The following LGI2 variants were observed in gnomAD, a reference collection of about 807,000 sequenced individuals.
The protein encoded by LGI2 is leucine-rich repeat LGI family member 2.
LGI2 carries 30 observed loss-of-function variants against 52.0 expected under a neutral mutation model. The ratio of observed to expected loss-of-function variants is 0.58; its 90% CI spans 0.43 to 0.78. LGI2 has a LOEUF of 0.78. LGI2 is among the 30% of genes least tolerant of loss of function. The pLI is 0.00. For missense variants in LGI2, 573 were observed against 692.5 expected (o/e 0.83, Z 1.94); for synonymous variants, 270 against 271.8 (o/e 0.99, Z 0.06).
At chr4:24,997,274 G>A (rs1725107556), downstream of LGI2, among the ~76,000 whole-genome samples, 1 of 152,168 alleles carries the variant, frequency 6.6e-6, no homozygotes, top group African/African-American at 2.4e-5. Context: ...TTTAGTCTCT[G>A]AGACACAGAG....
intron 1 of LGI2, among the ~76,000 whole-genome samples, chr4:25,029,400 G>A (rs190250702): frequency 2.1e-4 from 32 of 152,256 alleles, no homozygotes; most frequent in African/African-American, 7.2e-4. Context: ...TCACTCCTGG[G>A]TCCAGGCCCC....
chr4:25,022,607 T>C (rs1726007710), intron 4 of LGI2, among the ~76,000 whole-genome samples: 1 of 152,198 alleles, frequency 6.6e-6, no homozygotes, highest in African/African-American at 2.4e-5. Flanking sequence ...GTGCCTCTTG[T>C]ACACATGTAC....
intron 7 of LGI2, 101 bp downstream of exon 7, chr4:25,012,234 G>A: frequency 7.5e-7 from 1 of 1,338,552 alleles, no homozygotes. Flanking sequence ...AACCAGGTTA[G>A]AGAGCCGAGC....
Position 25,003,145 on chromosome 4 carries a change from T to A in LGI2, c.*306A>T. 4.5e-6 allele frequency: 1 copy of A among 222,310 alleles called. No homozygotes were observed. The highest frequency in any genetic ancestry group is 5.5e-5 in the Admixed American group (1 of 18,292). 13.8% of individuals were successfully genotyped at this position (222,310 alleles called of 1,614,324 possible). A position where few individuals can be genotyped will look rare whatever the true frequency, so the allele number is the denominator to read the frequency against. On this transcript the variant is annotated 3_prime_UTR_variant, in exon 8 of 8. Transcript: ENST00000382114. ...CCATCTTATCCAATTGTCTTCTTCC[T>A]CATCAAAAAGCGGGGGGGAAGCATA...
In LGI2 at chr4:25,018,488, A is replaced by T. The variant is rs562445064; in HGVS notation, c.486-330T>A. Reference sequence around the variant, plus strand: ...ATATGATAGAAGAGCAGCCCCCAACAGAGGTTCTCATAAACAAAGAGGATA... The same window carrying T: ...ATATGATAGAAGAGCAGCCCCCAACTGAGGTTCTCATAAACAAAGAGGATA... On this transcript the variant is annotated intron_variant, in intron 5 of 7. Transcript: ENST00000382114. Among the ~76,000 whole-genome samples the T allele has an allele frequency of 9.2e-5, 14 of 152,350 alleles. No homozygotes were observed. In the East Asian group the frequency reaches 1.9e-3, roughly 21 times the overall value.
At chr4:25,009,984 C>T (rs1725525788) in intron 7 of LGI2, among the ~76,000 whole-genome samples, 1 of 152,092 alleles carries the variant, frequency 6.6e-6, no homozygotes, top group Non-Finnish European at 1.5e-5. Context: ...CAAGAACATG[C>T]CTGGCTCAGA....
In LGI2 at chr4:24,999,784, G is replaced by A. The variant is rs537529641; in HGVS notation, c.*3667C>T. The A allele has an allele frequency of 5.3e-5, 24 of 455,952 alleles. No homozygotes were observed. The East Asian group carries it at 1.7e-3, about 32-fold the overall frequency. The allele number at this position is 455,952 out of a possible 1,614,324, so 28.2% of individuals were successfully genotyped here. On this transcript the variant is annotated 3_prime_UTR_variant, in exon 8 of 8. Transcript: ENST00000382114. ...ACACAGACTCTCACTCCATGGGGAA[G>A]AAAAAATGCAACTCTGCCATTTCCA...
chr4:25,015,240 A>G (rs1725722904), intron 6 of LGI2, among the ~76,000 whole-genome samples: 1 of 152,244 alleles, frequency 6.6e-6, no homozygotes, highest in African/African-American at 2.4e-5. Context: ...ACTGCACATT[A>G]ATGCATTATT....
chr4:25,018,542 A>G (rs867823615), intron 5 of LGI2, among the ~76,000 whole-genome samples: 1 of 152,192 alleles, frequency 6.6e-6, no homozygotes, highest in African/African-American at 2.4e-5. Flanking sequence ...CACAAACACA[A>G]TTGAAACTTC....
chr4:25,006,345 C>G (rs1352175504), intron 7 of LGI2, among the ~76,000 whole-genome samples: 2 of 152,164 alleles, frequency 1.3e-5, no homozygotes, highest in African/African-American at 4.8e-5. Flanking sequence ...CCATCTAGAT[C>G]ACTCCATTAA....
At chr4:25,028,787 G>A (rs1051856485) in intron 1 of LGI2, among the ~76,000 whole-genome samples, 1 of 152,192 alleles carries the variant, frequency 6.6e-6, no homozygotes, top group African/African-American at 2.4e-5. Flanking sequence ...AGACTAGTCT[G>A]AATAACAGAA....
In LGI2 at chr4:25,012,356, G is replaced by A. The variant is rs1156361531; in HGVS notation, c.799C>T (p.Arg267Trp). The change falls in exon 7 of 8, where the codon CGG becomes TGG. Residue 267 changes from arginine to tryptophan, a missense_variant. By Grantham distance (101) the Arg-to-Trp change is moderately radical (BLOSUM62 -3). Transcript: ENST00000382114. ...LEWDHIEMNF[R>W]SYDNITGQSI... ...ACACCTGTAATGTTGTCATAGCTCC[G>A]GAAATTCATTTCAATGTGGTCCCAC... 6.2e-6 allele frequency: 10 copies of A among 1,614,076 alleles called. No homozygotes were observed. The highest frequency in any genetic ancestry group is 1.1e-5 in the South Asian group (1 of 91,084).
chr4:25,024,969 G>A (rs2109425102), intron 3 of LGI2, 78 bp from the exon 4 acceptor site: 1 of 943,454 alleles, frequency 1.1e-6, no homozygotes, highest in Non-Finnish European at 1.6e-6. Context: ...TAAGCTTTCA[G>A]AATAAAATCT....
Position 25,004,412 on chromosome 4 carries a change from A to C in LGI2, c.821-144T>G, listed in dbSNP as rs879020023. On this transcript the variant is annotated intron_variant, in intron 7 of 7. Coordinates refer to ENST00000382114, the MANE Select transcript of LGI2 (RefSeq NM_018176.4). This position sits in a 1 kb window ranked among gnomAD's most constrained non-coding sequence, Gnocchi z 4.6. ...GTATGGTGGTTCCTTGAAAAATTAA[A>C]CATGGAATTACCCTATGAGCCAGCA... 195 of 726,882 alleles carry C rather than the reference A, an allele frequency of 2.7e-4. No individual in the cohort carries two copies. The highest frequency in any genetic ancestry group is 7.2e-4 in the Middle Eastern group (2 of 2,782). The allele number at this position is 726,882 out of a possible 1,614,324, so 45.0% of individuals were successfully genotyped here.
intron 4 of LGI2, among the ~76,000 whole-genome samples, chr4:25,019,899 T>G (rs1044883572): frequency 6.6e-6 from 1 of 152,196 alleles, no homozygotes; most frequent in Non-Finnish European, 1.5e-5. Context: ...AGGACAGAGA[T>G]TATTGTCTGT....
the LGI2 span, among the ~76,000 whole-genome samples, chr4:24,993,538 C>T: frequency 6.6e-6 from 1 of 152,118 alleles, no homozygotes; most frequent in Admixed American, 6.6e-5. Context: ...GTGGTGACCC[C>T]CACAGACACA....
intron 6 of LGI2, among the ~76,000 whole-genome samples, chr4:25,013,346 A>G (rs1725651640): frequency 6.6e-6 from 1 of 152,102 alleles, no homozygotes; most frequent in Non-Finnish European, 1.5e-5. Context: ...GTATATGAAG[A>G]TGTGGGGAGA....
chr4:25,016,892 T>C (rs576654131), intron 6 of LGI2, among the ~76,000 whole-genome samples: 3 of 152,318 alleles, frequency 2.0e-5, no homozygotes, highest in South Asian at 2.1e-4. Flanking sequence ...TTTTTATAAA[T>C]TGGGTAAGCA....
chr4:25,028,077 C>T (rs951915049), intron 2 of LGI2, among the ~76,000 whole-genome samples: 4 of 152,172 alleles, frequency 2.6e-5, no homozygotes, highest in African/African-American at 7.2e-5. Flanking sequence ...AAATTACGCA[C>T]GTAAGTTCAT....
Sources: allele counts gnomAD v4.1 joint callset (sites outside exome capture counted in the v4.1 genomes callset), GRCh38; gene constraint gnomAD v4.1.1; non-coding constraint Gnocchi (gnomAD v3.1); transcripts MANE v1.5; gene names NCBI Gene and HGNC (gene_info 2026-07-23, HGNC 2026-07-21).